The following KDM1A variants were observed in gnomAD, a reference collection of about 807,000 sequenced individuals.
KDM1A encodes the protein lysine-specific histone demethylase 1A.
A neutral mutation model predicts 109.4 loss-of-function variants in KDM1A; 49 were observed. That is an observed-to-expected ratio of 0.45 (90% CI 0.36 to 0.57). The LOEUF is 0.57. Among genes scored for constraint, KDM1A ranks in the 20% least tolerant of loss-of-function variants. The pLI, the probability that KDM1A is intolerant of heterozygous loss-of-function variation, is 0.00. For synonymous variants in KDM1A, 380 were observed against 415.4 expected (o/e 0.91, Z 1.04); for missense variants, 668 against 1,116.6 (o/e 0.60, Z 5.73).
intron 3 of KDM1A, among the ~76,000 whole-genome samples, chr1:23,047,083 G>C (rs1213850051): frequency 6.6e-6 from 1 of 152,138 alleles, no homozygotes; most frequent in Non-Finnish European, 1.5e-5. Context: ...GAAAGAGATA[G>C]GTACTCATGA....
At chr1:23,077,883 G>A (rs954624720) in intron 16 of KDM1A, among the ~76,000 whole-genome samples, 1 of 152,142 alleles carries the variant, frequency 6.6e-6, no homozygotes, top group African/African-American at 2.4e-5. Context: ...CCTAGTTCTG[G>A]AGCAGTCCTG....
At chr1:23,041,096 T>G (rs1191704262) in intron 2 of KDM1A, among the ~76,000 whole-genome samples, 1 of 152,132 alleles carries the variant, frequency 6.6e-6, no homozygotes, top group Non-Finnish European at 1.5e-5. Context: ...AGAGACTACT[T>G]GGATGAAAAG....
intron 2 of KDM1A, among the ~76,000 whole-genome samples, chr1:23,037,121 A>AATAT (rs199672006): frequency 2.3e-5 from 3 of 130,390 alleles, no homozygotes; most frequent in East Asian, 2.4e-4. Flanking sequence ...CACTAAAAAA[A>AATAT]ATATATATAC....
At chr1:23,024,246 GA>G (rs1266077066) in intron 1 of KDM1A, among the ~76,000 whole-genome samples, 4 of 151,950 alleles carry the variant, frequency 2.6e-5, no homozygotes, top group African/African-American at 9.7e-5. Context: ...AAACTTTCAG[GA>G]AAAAAATTAG....
intron 1 of KDM1A, among the ~76,000 whole-genome samples, chr1:23,028,788 A>G (rs553133193): frequency 6.6e-6 from 1 of 152,180 alleles, no homozygotes; most frequent in South Asian, 2.1e-4. Context: ...AAAGTTTAGT[A>G]TAATATCATC....
intron 16 of KDM1A, among the ~76,000 whole-genome samples, chr1:23,078,338 T>A (rs1643525288): frequency 1.3e-5 from 2 of 152,184 alleles, no homozygotes; most frequent in South Asian, 4.1e-4. Flanking sequence ...AATGAGCATG[T>A]ACTGAGCTTT....
At position 23,055,088 on chromosome 1, in the gene KDM1A, C is replaced by A; in HGVS notation, c.810C>A (p.His270Gln). 1 of 1,610,190 alleles carries A rather than the reference C, an allele frequency of 6.2e-7. No individual in the cohort carries two copies. The highest frequency in any genetic ancestry group is 1.1e-5 in the South Asian group (1 of 90,580). Residue 270 changes from histidine to glutamine, a missense_variant, in exon 6 of 21, where the codon CAC (histidine) becomes CAA (glutamine). This residue lies in a region of KDM1A where 149 missense variants were observed against 189.7 expected (regional missense o/e 0.79). Coordinates refer to ENST00000400181, the MANE Select transcript of KDM1A (RefSeq NM_001009999.3). ...APYNSDTVLV[H>Q]RVHSYLERHG... Reference sequence around the variant, plus strand: ...CTGTAGGTGATACTGTGCTTGTCCACCGAGTTCACAGTTATTTAGAGCGTC... The same window carrying A: ...CTGTAGGTGATACTGTGCTTGTCCAACGAGTTCACAGTTATTTAGAGCGTC...
chr1:23,083,324 C>A lies in KDM1A; in HGVS notation c.2591C>A (p.Ala864Asp). 6.2e-7 allele frequency: 1 copy of A among 1,613,748 alleles called. No individual in the cohort carries two copies. The highest frequency in any genetic ancestry group is 1.6e-4 in the Middle Eastern group (1 of 6,062). Residue 864 changes from alanine to aspartate, a missense_variant, in exon 21 of 21, where the codon GCC becomes GAC. By Grantham distance (126) the Ala-to-Asp change is moderately radical. Coordinates refer to ENST00000400181, the MANE Select transcript of KDM1A (RefSeq NM_001009999.3). ...LGAMYTLPRQ[A>D]TPGVPAQQSP... ...GCCATGTATACGCTGCCTCGCCAGG[C>A]CACACCAGGTGTTCCTGCACAGCAG... is the stretch of plus-strand genomic sequence containing the variant.
At position 23,019,581 on chromosome 1, in the gene KDM1A, G is replaced by C. The variant is rs777510721; in HGVS notation, c.-16G>C. 34 of 1,398,118 alleles carry C rather than the reference G, an allele frequency of 2.4e-5. No homozygotes were observed. The highest frequency in any genetic ancestry group is 3.1e-5 in the Non-Finnish European group (34 of 1,084,938). The allele number at this position is 1,398,118 out of a possible 1,614,324, so 86.6% of individuals were successfully genotyped here. On this transcript the variant is annotated 5_prime_UTR_variant, in exon 1 of 21. Coordinates refer to ENST00000400181, the MANE Select transcript of KDM1A (RefSeq NM_001009999.3). ...GCGAGCGGCCCCTACGGCCGTCGGC[G>C]GCCCGGCGGCCCGAGATGTTATCTG...
In KDM1A at chr1:23,082,367, G is replaced by A; in HGVS notation, c.2445+1G>A. ...CCCCTCGATTCCAGGTGCCCCACAG[G>A]TGAGAAGCTGGCAAACTATCTGGGC... On this transcript the variant is annotated splice_donor_variant, in intron 20 of 20. Transcript: ENST00000400181. LOFTEE classifies it high-confidence loss of function. 6.2e-7 allele frequency: 1 copy of A among 1,610,770 alleles called. No individual in the cohort carries two copies. Among genetic ancestry groups the A allele is most frequent in the Non-Finnish European group, 8.5e-7 (1 of 1,178,204 alleles).
chr1:23,049,943 G>C (rs559495718), intron 3 of KDM1A, among the ~76,000 whole-genome samples: 1 of 152,264 alleles, frequency 6.6e-6, no homozygotes, highest in African/African-American at 2.4e-5. Context: ...ATTTTCTGCT[G>C]TTGATTATTA....
At chr1:23,048,694 G>A (rs1009486723) in intron 3 of KDM1A, among the ~76,000 whole-genome samples, 4 of 152,022 alleles carry the variant, frequency 2.6e-5, no homozygotes, top group African/African-American at 9.7e-5. Flanking sequence ...CCATTTGAAT[G>A]TCTTTGTGGA....
At chr1:23,024,397 C>A (rs1420648931) in intron 1 of KDM1A, among the ~76,000 whole-genome samples, 1 of 152,142 alleles carries the variant, frequency 6.6e-6, no homozygotes, top group Non-Finnish European at 1.5e-5. Flanking sequence ...ATAGGCCATG[C>A]TTCAGTAGTT....
chr1:23,040,843 G>A (rs1431647025), intron 2 of KDM1A, among the ~76,000 whole-genome samples: 1 of 152,184 alleles, frequency 6.6e-6, no homozygotes, highest in Non-Finnish European at 1.5e-5. Flanking sequence ...GGACTATTTT[G>A]TAGGTTTGGT....
chr1:23,042,453 T>A (rs1385149331), intron 2 of KDM1A, among the ~76,000 whole-genome samples: 6 of 107,124 alleles, frequency 5.6e-5, no homozygotes, highest in Admixed American at 9.4e-5. Context: ...TTTTTTTTTT[T>A]TTTTTTTTTT....
At chr1:23,030,681 G>T in intron 2 of KDM1A, 47 bp downstream of exon 2, 2 of 1,451,114 alleles carry the variant, frequency 1.4e-6, no homozygotes, top group Non-Finnish European at 1.8e-6. Context: ...TTAGAAATAA[G>T]AATGAATGGA....
chr1:23,051,067 C>CTGTT (rs1185815896), intron 4 of KDM1A, among the ~76,000 whole-genome samples: 1 of 151,874 alleles, frequency 6.6e-6, no homozygotes, highest in East Asian at 1.9e-4. Context: ...CCAGCCTGGG[C>CTGTT]AACAGAGTAG....
intron 10 of KDM1A, among the ~76,000 whole-genome samples, chr1:23,068,312 C>T (rs1384357969): frequency 2.6e-5 from 4 of 152,096 alleles, no homozygotes; most frequent in Admixed American, 6.5e-5. Flanking sequence ...CCAGCTCTGA[C>T]GGCAGTAGTG....
At position 23,029,681 on chromosome 1, in the gene KDM1A, C is replaced by G. The variant is rs189625927; in HGVS notation, c.352-788C>G. On this transcript the variant is annotated intron_variant, in intron 1 of 20. Transcript: ENST00000400181. ...TTGAGATGGAGTCTCACTCTGTTGC[C>G]CAGGCTGCAGTGCAGTGGTGCGATC... Among the ~76,000 whole-genome samples, 182 of 152,112 alleles carry G rather than the reference C, an allele frequency of 1.2e-3. 2 individuals carry two copies. The highest frequency in any genetic ancestry group is 4.1e-3 in the African/African-American group (170 of 41,478).
Sources: allele counts gnomAD v4.1 joint callset (sites outside exome capture counted in the v4.1 genomes callset), GRCh38; gene constraint gnomAD v4.1.1; regional missense constraint gnomAD v4.1.1; transcripts MANE v1.5; gene names NCBI Gene and HGNC (gene_info 2026-07-23, HGNC 2026-07-21).